DLGAP2: variants seen among roughly 807,000 people sequenced by gnomAD.
DLGAP2 encodes disks large-associated protein 2.
Under a neutral mutation model 100.3 loss-of-function variants are expected in DLGAP2, and 26 were observed. The observed-to-expected ratio is 0.26, with a 90% CI of 0.19 to 0.36. DLGAP2 has a LOEUF of 0.36. DLGAP2 is among the 10% of genes least tolerant of loss of function. DLGAP2 has a pLI of 1.00. For missense variants in DLGAP2, 1,858 were observed against 1,453.2 expected (o/e 1.28, Z -4.53); for synonymous variants, 886 against 630.1 (o/e 1.41, Z -6.08).
At chr8:801,217 G>T (rs191625482) in intron 1 of DLGAP2, among the ~76,000 whole-genome samples, 1 of 152,334 alleles carries the variant, frequency 6.6e-6, no homozygotes, top group African/African-American at 2.4e-5. Context: ...GCAAGCAGCC[G>T]CAAAGCAATA....
chr8:1,335,527 C>T (rs943663707), intron 3 of DLGAP2, among the ~76,000 whole-genome samples: 9 of 152,084 alleles, frequency 5.9e-5, no homozygotes, highest in South Asian at 2.1e-4. Flanking sequence ...CCCAGAAAGA[C>T]GTGCCAACTG....
At chr8:1,306,091 A>AAAAAAAAAAAAAAAAAG (rs1563073469) in intron 3 of DLGAP2, among the ~76,000 whole-genome samples, 2 of 131,438 alleles carry the variant, frequency 1.5e-5, no homozygotes, top group Admixed American at 8.0e-5. Flanking sequence ...AAAAAAAAAA[A>AAAAAAAAAAAAAAAAAG]AGAGAGAGGG....
At chr8:849,031 C>A (rs545069470) in intron 1 of DLGAP2, among the ~76,000 whole-genome samples, 3 of 151,722 alleles carry the variant, frequency 2.0e-5, no homozygotes, top group Non-Finnish European at 4.4e-5. Context: ...TAGGAATGTG[C>A]GGTGCCTGTT....
rs139451831 is a variant in DLGAP2 at position 1,549,267 on chromosome 8, G to A, written c.814G>A (p.Ala272Thr). The A allele has an allele frequency of 1.8e-5, 29 of 1,610,986 alleles. No homozygotes were observed. Among genetic ancestry groups the A allele is most frequent in the South Asian group, 1.2e-4 (11 of 90,972 alleles). ...GGACGACCACCACCACGCCCACCAC[G>A]CCAAGCACAGCAAGAGGAGCAAGAG... is the stretch of plus-strand genomic sequence containing the variant. ...RADDHHHAHH[A>T]KHSKRSKSKE... Residue 272 changes from alanine (A) to threonine (T), a missense_variant, in exon 5 of 15, where the codon GCC becomes ACC. Coordinates refer to ENST00000637795, the MANE Select transcript of DLGAP2 (RefSeq NM_001346810.2).
At chr8:1,699,230 G>A (rs1799500935) in intron 14 of DLGAP2, among the ~76,000 whole-genome samples, 1 of 152,200 alleles carries the variant, frequency 6.6e-6, no homozygotes, top group Admixed American at 6.5e-5. Context: ...AAACGTCTTT[G>A]GGAGGCCAAG....
At chr8:1,111,938 G>A (rs1427222260) in intron 2 of DLGAP2, among the ~76,000 whole-genome samples, 4 of 151,960 alleles carry the variant, frequency 2.6e-5, no homozygotes, top group South Asian at 4.2e-4. Context: ...AGAATTGCTG[G>A]GTTGAATGGC....
chr8:1,342,716 T>C (rs1376562007), intron 3 of DLGAP2, among the ~76,000 whole-genome samples: 2 of 152,246 alleles, frequency 1.3e-5, no homozygotes, highest in Admixed American at 6.5e-5. Flanking sequence ...TGAAAATGAC[T>C]AAGCAGAACT....
chr8:1,251,215 G>C (rs4430124), intron 2 of DLGAP2, among the ~76,000 whole-genome samples: 115,289 of 152,092 alleles, frequency 0.76, 44,521 homozygotes, highest in Middle Eastern at 0.83. Context: ...CTTTTACTTA[G>C]CATTTATAAA....
intron 3 of DLGAP2, among the ~76,000 whole-genome samples, chr8:1,475,640 G>T (rs1195148030): frequency 1.3e-5 from 2 of 152,148 alleles, no homozygotes; most frequent in Non-Finnish European, 2.9e-5. Flanking sequence ...AACATTGCTT[G>T]TCATCCCGGG....
intron 6 of DLGAP2, among the ~76,000 whole-genome samples, chr8:1,576,485 T>C (rs1271927146): frequency 6.6e-6 from 1 of 152,216 alleles, no homozygotes; most frequent in Non-Finnish European, 1.5e-5. Flanking sequence ...AGATCCCATT[T>C]GTCAATTTTT....
At chr8:1,269,282 A>G (rs1327199058) in intron 3 of DLGAP2, among the ~76,000 whole-genome samples, 1 of 152,180 alleles carries the variant, frequency 6.6e-6, no homozygotes, top group African/African-American at 2.4e-5. Context: ...GAGGAGCCAG[A>G]GGGTGTTCCA....
At chr8:1,532,509 CAAAGGATGGAA>C (rs974042663) in intron 4 of DLGAP2, among the ~76,000 whole-genome samples, 4 of 152,070 alleles carry the variant, frequency 2.6e-5, no homozygotes, top group African/African-American at 9.7e-5. Flanking sequence ...ATTACCTACC[CAAAGGATGGAA>C]ACATTTTTAT....
intron 3 of DLGAP2, among the ~76,000 whole-genome samples, chr8:1,293,651 C>T (rs1800107893): frequency 6.6e-6 from 1 of 152,202 alleles, no homozygotes; most frequent in African/African-American, 2.4e-5. Flanking sequence ...AATTATCATG[C>T]CTGCTGTCTC....
rs967901785 is a variant in DLGAP2, at chr8:1,372,450, C to T, written c.106+113567C>T. Among the ~76,000 whole-genome samples, 9 of 152,298 alleles carry T rather than the reference C, an allele frequency of 5.9e-5. No individual in the cohort carries two copies. The East Asian group carries it at 7.7e-4, about 13-fold the overall frequency. ...TGGTGTGGGGAAGACAAATGTCGTG[C>T]GAGTCCCCTCCACAGCAGGGCTTCT... is the stretch of plus-strand genomic sequence containing the variant. On this transcript the variant is annotated intron_variant, in intron 3 of 14. Transcript: ENST00000637795.
At chr8:1,479,877 A>C (rs1173323447) in intron 3 of DLGAP2, among the ~76,000 whole-genome samples, 1 of 152,170 alleles carries the variant, frequency 6.6e-6, no homozygotes, top group African/African-American at 2.4e-5. Flanking sequence ...GAATGCTATG[A>C]TTATTTACCC....
chr8:1,620,919 C>G (rs1438326593), intron 6 of DLGAP2, among the ~76,000 whole-genome samples: 1 of 152,200 alleles, frequency 6.6e-6, no homozygotes, highest in Non-Finnish European at 1.5e-5. Context: ...CCAAACTTCT[C>G]TCCCAGAATG....
intron 2 of DLGAP2, among the ~76,000 whole-genome samples, chr8:1,235,217 C>G (rs564648721): frequency 2.6e-5 from 3 of 115,416 alleles, no homozygotes; most frequent in South Asian, 3.2e-4. Flanking sequence ...GTCTAGTTCT[C>G]TCACACATGG....
At chr8:744,234 C>T (rs912779221) in intron 1 of DLGAP2, among the ~76,000 whole-genome samples, 9 of 152,290 alleles carry the variant, frequency 5.9e-5, no homozygotes, top group Non-Finnish European at 1.2e-4. Flanking sequence ...ATACCCCCGA[C>T]CCACGAGATT....
At chr8:1,166,030 C>A (rs909762797) in intron 2 of DLGAP2, among the ~76,000 whole-genome samples, 1 of 152,170 alleles carries the variant, frequency 6.6e-6, no homozygotes, top group East Asian at 1.9e-4. Flanking sequence ...TGAATAATCT[C>A]CCGTCAGTAA....
Sources: gnomAD v4.1 joint callset for allele counts (sites outside exome capture counted in the v4.1 genomes callset) on GRCh38, gnomAD v4.1.1 for gene constraint, MANE v1.5 for transcripts, NCBI Gene and HGNC (gene_info 2026-07-23, HGNC 2026-07-21) for gene names.